SNX2: variants seen among roughly 807,000 people sequenced by gnomAD.
SNX2 encodes the protein sorting nexin 2.
SNX2 carries 25 observed loss-of-function variants against 69.9 expected under a neutral mutation model. The ratio of observed to expected loss-of-function variants is 0.36; its 90% CI spans 0.26 to 0.50. The LOEUF is 0.50. SNX2 is among the 20% of genes least tolerant of loss of function. SNX2 has a pLI of 0.97. For synonymous variants in SNX2, 229 were observed against 200.4 expected (o/e 1.14, Z -1.20); for missense variants, 551 against 613.3 (o/e 0.90, Z 1.07).
intron 11 of SNX2, among the ~76,000 whole-genome samples, chr5:122,823,989 C>G (rs113228548): frequency 5.9e-5 from 9 of 152,132 alleles, no homozygotes; most frequent in Admixed American, 2.6e-4. Flanking sequence ...ATCATGAGAT[C>G]AGGAGATCGA....
chr5:122,829,330 C>T (rs1252513017), intron 14 of SNX2, among the ~76,000 whole-genome samples: 1 of 151,742 alleles, frequency 6.6e-6, no homozygotes, highest in African/African-American at 2.4e-5. Context: ...TCAGCCTCCC[C>T]AGTAGCTGGG....
At chr5:122,775,046 C>G, upstream of SNX2, 1 of 1,482,798 alleles carries the variant, frequency 6.7e-7, no homozygotes, top group Non-Finnish European at 9.0e-7. Flanking sequence ...CCCAGCCGTG[C>G]GTGCTCACGT....
intron 3 of SNX2, among the ~76,000 whole-genome samples, chr5:122,800,209 T>G (rs568542505): frequency 4.6e-5 from 7 of 152,198 alleles, no homozygotes; most frequent in African/African-American, 1.4e-4. Flanking sequence ...TAATAAATAC[T>G]GTTAATACTT....
chr5:122,804,885 A>T (rs938247667), intron 6 of SNX2, among the ~76,000 whole-genome samples: 2 of 152,054 alleles, frequency 1.3e-5, no homozygotes, highest in Non-Finnish European at 2.9e-5. Flanking sequence ...GTTTTAGTAT[A>T]TGTGCTGCTG....
At position 122,801,820 on chromosome 5, in the gene SNX2, T is replaced by C. The variant is rs572534902; in HGVS notation, c.391-49T>C. On this transcript the variant is annotated intron_variant, in intron 3 of 14. Coordinates refer to ENST00000379516, the MANE Select transcript of SNX2 (RefSeq NM_003100.4). Reference sequence around the variant, plus strand: ...ATGATAAAAATTAGTGTCATGACAATAATTTAAATTATAATTTTTAATGCC... The same window carrying C: ...ATGATAAAAATTAGTGTCATGACAACAATTTAAATTATAATTTTTAATGCC... 1.7e-4 allele frequency: 193 copies of C among 1,160,056 alleles called. No individual in the cohort carries two copies. The South Asian group carries it at 2.4e-3, about 15-fold the overall frequency. 71.9% of individuals were successfully genotyped at this position (1,160,056 alleles called of 1,614,324 possible). A position where few individuals can be genotyped will look rare whatever the true frequency, so the allele number is the denominator to read the frequency against.
intron 14 of SNX2, 59 bp from the exon 15 acceptor site, chr5:122,829,539 A>G: frequency 1.5e-6 from 2 of 1,330,874 alleles, no homozygotes; most frequent in Non-Finnish European, 2.2e-6. Flanking sequence ...TACAGGATAT[A>G]TGCATATAAA....
chr5:122,775,466 G>A, intron 1 of SNX2: 1 of 1,169,954 alleles, frequency 8.5e-7, no homozygotes, highest in South Asian at 3.7e-5. Flanking sequence ...ACCGAGCATT[G>A]CAGCGGCGCT....
intron 7 of SNX2, among the ~76,000 whole-genome samples, chr5:122,810,974 A>G (rs1331079535): frequency 6.6e-6 from 1 of 152,194 alleles, no homozygotes; most frequent in Non-Finnish European, 1.5e-5. Context: ...ACAGGATTCT[A>G]AAACTGCATT....
At position 122,801,845 on chromosome 5, in the gene SNX2, CAA is replaced by C. The variant is rs760192687; in HGVS notation, c.391-19_391-18del. On this transcript the variant is annotated intron_variant, in intron 3 of 14. Coordinates refer to ENST00000379516, the MANE Select transcript of SNX2 (RefSeq NM_003100.4). ...TAATTTAAATTATAATTTTTAATGC[CAA>C]AAAATAATTTATACTTTCTAGATTG... is the stretch of plus-strand genomic sequence containing the variant. 4.9e-6 allele frequency: 7 copies of C among 1,415,710 alleles called. No individual in the cohort carries two copies. In the Admixed American group the frequency reaches 1.4e-4, roughly 28 times the overall value. The allele number at this position is 1,415,710 out of a possible 1,614,324, so 87.7% of individuals were successfully genotyped here.
intron 4 of SNX2, 41 bp downstream of exon 4, chr5:122,801,976 A>G: frequency 6.5e-7 from 1 of 1,541,498 alleles, no homozygotes; most frequent in Non-Finnish European, 8.9e-7. Context: ...ACTTTTTATT[A>G]GTTTGTTGGT....
At chr5:122,806,135 C>T (rs78759345) in intron 6 of SNX2, among the ~76,000 whole-genome samples, 5,578 of 19,642 alleles carry the variant, frequency 0.28, 152 homozygotes, top group South Asian at 0.31. Flanking sequence ...TATATACACA[C>T]GCGCGCGCAC....
At chr5:122,797,616 A>G (rs969652731) in intron 2 of SNX2, among the ~76,000 whole-genome samples, 1 of 152,132 alleles carries the variant, frequency 6.6e-6, no homozygotes, top group Non-Finnish European at 1.5e-5. Flanking sequence ...GGTGAAAACT[A>G]TTGTCCAGTA....
intron 12 of SNX2, among the ~76,000 whole-genome samples, chr5:122,827,011 T>G (rs1754164127): frequency 6.6e-6 from 1 of 152,100 alleles, no homozygotes; most frequent in Non-Finnish European, 1.5e-5. Flanking sequence ...TCTGAAATAA[T>G]TATTGATATA....
intron 12 of SNX2, chr5:122,826,515 C>G (rs1411883421): frequency 4.3e-6 from 1 of 235,096 alleles, no homozygotes; most frequent in Non-Finnish European, 6.9e-6. Context: ...AGAGCTAGAT[C>G]TCTCCCACAT....
chr5:122,799,380 A>G (rs1054582169), intron 2 of SNX2, among the ~76,000 whole-genome samples: 2 of 152,272 alleles, frequency 1.3e-5, no homozygotes, highest in Non-Finnish European at 2.9e-5. Context: ...CCACAAGTAT[A>G]AGTTGTTACA....
At chr5:122,800,986 C>G (rs967644466) in intron 3 of SNX2, among the ~76,000 whole-genome samples, 2 of 151,844 alleles carry the variant, frequency 1.3e-5, no homozygotes, top group African/African-American at 4.8e-5. Context: ...TTCCCACTTA[C>G]TGCTTTTTCA....
At chr5:122,793,828 G>T (rs1313769091) in intron 1 of SNX2, among the ~76,000 whole-genome samples, 2 of 149,918 alleles carry the variant, frequency 1.3e-5, no homozygotes, top group South Asian at 2.1e-4. Context: ...CAGAAGAATC[G>T]CTTGAACCCG....
intron 1 of SNX2, among the ~76,000 whole-genome samples, chr5:122,783,225 G>A (rs1015362028): frequency 7.2e-5 from 11 of 152,158 alleles, no homozygotes; most frequent in African/African-American, 2.4e-4. Context: ...GATTATAGGC[G>A]TGAGCCACCG....
At position 122,793,773 on chromosome 5, in the gene SNX2, C is replaced by T. The variant is rs534195753; in HGVS notation, c.109-1493C>T. ...AAAATACAAAAAAAAATTAGCTGGG[C>T]GTGATGGCAGACACCTGTAATCCCA... On this transcript the variant is annotated intron_variant, in intron 1 of 14. Transcript: ENST00000379516. Among the ~76,000 whole-genome samples the T allele has an allele frequency of 8.5e-4, 129 of 151,120 alleles. 1 individual carries two copies. The highest frequency in any genetic ancestry group is 1.4e-3 in the Non-Finnish European group (93 of 67,788).
Sources: gnomAD v4.1 joint callset for allele counts (sites outside exome capture counted in the v4.1 genomes callset) on GRCh38, gnomAD v4.1.1 for gene constraint, MANE v1.5 for transcripts, NCBI Gene and HGNC (gene_info 2026-07-23, HGNC 2026-07-21) for gene names.